The following ALPK2 variants were observed in gnomAD, a reference collection of about 807,000 sequenced individuals.
ALPK2 encodes the protein alpha kinase 2, also known as alpha-protein kinase 2.
In ALPK2, 127 loss-of-function variants were observed where a neutral mutation model predicts 163.1. The observed-to-expected ratio is 0.78, with a 90% CI of 0.67 to 0.90. The LOEUF (loss-of-function observed/expected upper bound fraction) is 0.90. ALPK2 is among the 40% of genes least tolerant of loss of function. ALPK2 has a pLI of 0.00. For missense variants in ALPK2, 2,360 were observed against 2,589.6 expected (o/e 0.91, Z 1.92); for synonymous variants, 953 against 959.1 (o/e 0.99, Z 0.12).
intron 4 of ALPK2, among the ~76,000 whole-genome samples, chr18:58,559,980 A>G (rs1166462506): frequency 1.3e-5 from 2 of 152,216 alleles, no homozygotes; most frequent in Non-Finnish European, 2.9e-5. Flanking sequence ...CAGAAGTCCA[A>G]CATGAATCTC....
At position 58,504,027 on chromosome 18, in the gene ALPK2, A is replaced by G. The variant is rs1467086840; in HGVS notation, c.6151T>C (p.Leu2051=). Residue 2051 remains leucine (L), a synonymous_variant, in exon 11 of 13, where the codon TTG becomes CTG. Transcript: ENST00000361673. ...SIRDGKEINF[L]RRESEAGQKC... ...TGACCAGCTTCTGATTCTCTTCTCA[A>G]GAAGTTTATTTCTTTCCCATCCCTG... 6.2e-7 allele frequency: 1 copy of G among 1,614,080 alleles called. No homozygotes were observed. The highest frequency in any genetic ancestry group is 1.3e-5 in the African/African-American group (1 of 74,932).
intron 12 of ALPK2, 133 bp downstream of exon 12, chr18:58,497,916 C>T (rs528233451): frequency 2.6e-6 from 2 of 754,822 alleles, no homozygotes; most frequent in Non-Finnish European, 4.6e-6. Flanking sequence ...GAAATGAATT[C>T]ATTCCAAGAA....
chr18:58,565,926 C>T (rs759469729), intron 4 of ALPK2, among the ~76,000 whole-genome samples: 8 of 152,022 alleles, frequency 5.3e-5, no homozygotes, highest in Non-Finnish European at 1.0e-4. Flanking sequence ...GGACTACAGG[C>T]GTGCACCACC....
intron 2 of ALPK2, 89 bp from the exon 3 acceptor site, chr18:58,607,528 CAGTA>C (rs2052104777): frequency 2.7e-6 from 2 of 744,942 alleles, no homozygotes; most frequent in Non-Finnish European, 2.1e-6. Flanking sequence ...CAAGGATGGA[CAGTA>C]AGCAACAGGG....
chr18:58,565,593 T>C (rs1184566540), intron 4 of ALPK2, among the ~76,000 whole-genome samples: 1 of 152,252 alleles, frequency 6.6e-6, no homozygotes, highest in African/African-American at 2.4e-5. Flanking sequence ...TTGATTTTTA[T>C]ATACCCTGGA....
chr18:58,580,568 T>C lies in ALPK2; in HGVS notation c.228-20A>G, dbSNP rs1296336489. The C allele has an allele frequency of 1.6e-5, 26 of 1,589,992 alleles. No individual in the cohort carries two copies. Among genetic ancestry groups the C allele is most frequent in the East Asian group, 2.2e-5 (1 of 44,576 alleles). On this transcript the variant is annotated intron_variant, in intron 3 of 12. Transcript: ENST00000361673. ...GTACAGCTAGGATGAAGAGAATATA[T>C]AGATAAGTTTGCCACATTTGGACAT...
chr18:58,619,058 G>A (rs2052185022), intron 1 of ALPK2, among the ~76,000 whole-genome samples: 1 of 152,170 alleles, frequency 6.6e-6, no homozygotes. Context: ...CTGTAGATTT[G>A]GACACCGCAC....
intron 12 of ALPK2, among the ~76,000 whole-genome samples, chr18:58,485,609 G>A (rs1218476287): frequency 6.6e-6 from 1 of 152,260 alleles, no homozygotes; most frequent in Non-Finnish European, 1.5e-5. Flanking sequence ...ATCTGGCAGA[G>A]TGGGAAATCG....
At position 58,503,987 on chromosome 18, in the gene ALPK2, A is replaced by C. The variant is rs1188035784; in HGVS notation, c.6191T>G (p.Phe2064Cys). ...TGTTTTCTGGTACACCCAGTGCTGG[A>C]AGGTGCAACATTTCTGACCAGCTTC... ...ESEAGQKCCT[F>C]QHWVYQKTSG... The change falls in exon 11 of 13, where the codon TTC becomes TGC. Residue 2064 changes from phenylalanine to cysteine, a missense_variant. Transcript: ENST00000361673. The C allele has an allele frequency of 1.9e-6, 3 of 1,614,170 alleles. No individual in the cohort carries two copies. In the South Asian group the frequency reaches 3.3e-5, roughly 18 times the overall value.
intron 10 of ALPK2, among the ~76,000 whole-genome samples, chr18:58,509,217 C>T (rs1246658025): frequency 2.0e-5 from 3 of 152,040 alleles, no homozygotes; most frequent in Non-Finnish European, 4.4e-5. Flanking sequence ...ATGAACTCAT[C>T]ATTTTTTATG....
At chr18:58,553,344 A>G (rs1274131032) in intron 4 of ALPK2, among the ~76,000 whole-genome samples, 3 of 152,122 alleles carry the variant, frequency 2.0e-5, no homozygotes, top group African/African-American at 2.4e-5. Context: ...AGGATTTGGG[A>G]ATGGGTTAGA....
chr18:58,590,421 C>T (rs1300523095), intron 3 of ALPK2, among the ~76,000 whole-genome samples: 2 of 152,080 alleles, frequency 1.3e-5, no homozygotes, highest in Non-Finnish European at 2.9e-5. Context: ...TGAAGCTCCC[C>T]CTCCAGTGGC....
chr18:58,601,583 C>CT (rs2052070057), intron 3 of ALPK2, among the ~76,000 whole-genome samples: 1 of 152,132 alleles, frequency 6.6e-6, no homozygotes, highest in African/African-American at 2.4e-5. Context: ...GAATGCTGCC[C>CT]TTAGACTGCC....
chr18:58,610,821 G>A (rs1027900451), intron 2 of ALPK2, among the ~76,000 whole-genome samples: 1 of 151,526 alleles, frequency 6.6e-6, no homozygotes, highest in Non-Finnish European at 1.5e-5. Context: ...CGAGCCAGCC[G>A]CAGTGGCTCA....
chr18:58,550,928 C>G (rs923548010), intron 4 of ALPK2, among the ~76,000 whole-genome samples: 1 of 148,020 alleles, frequency 6.8e-6, no homozygotes, highest in African/African-American at 2.5e-5. Flanking sequence ...ATCCCCACCT[C>G]CATTACATAC....
chr18:58,619,184 C>A (rs541627706), intron 1 of ALPK2, among the ~76,000 whole-genome samples: 2 of 152,208 alleles, frequency 1.3e-5, no homozygotes, highest in Non-Finnish European at 2.9e-5. Flanking sequence ...TAACACATTT[C>A]GGGTGCCTAC....
chr18:58,570,293 G>A (rs191602967), intron 4 of ALPK2, among the ~76,000 whole-genome samples: 1 of 152,300 alleles, frequency 6.6e-6, no homozygotes, highest in African/African-American at 2.4e-5. Flanking sequence ...TTAAATCCGA[G>A]CACTGTATTA....
intron 3 of ALPK2, among the ~76,000 whole-genome samples, chr18:58,604,023 A>C (rs1357311861): frequency 1.3e-5 from 2 of 152,198 alleles, no homozygotes; most frequent in Non-Finnish European, 2.9e-5. Context: ...TGAGGACAGC[A>C]TGAGGAGGAG....
intron 3 of ALPK2, among the ~76,000 whole-genome samples, chr18:58,590,892 G>A (rs542850655): frequency 1.1e-4 from 17 of 152,272 alleles, no homozygotes; most frequent in African/African-American, 2.2e-4. Flanking sequence ...CTTCTTCCCC[G>A]GTTCTGCTCT....
Sources: gnomAD v4.1 joint callset for allele counts (sites outside exome capture counted in the v4.1 genomes callset) on GRCh38, gnomAD v4.1.1 for gene constraint, MANE v1.5 for transcripts, NCBI Gene and HGNC (gene_info 2026-07-23, HGNC 2026-07-21) for gene names.